Variants in GRIK2 observed in about 807,000 individuals in gnomAD.
GRIK2 encodes the protein glutamate ionotropic receptor kainate type subunit 2.
Under a neutral mutation model 100.3 loss-of-function variants are expected in GRIK2, and 32 were observed. The ratio of observed to expected loss-of-function variants is 0.32; its 90% CI spans 0.24 to 0.43. GRIK2 has a LOEUF of 0.43. Among genes scored for constraint, GRIK2 ranks in the 20% least tolerant of loss-of-function variants. GRIK2 has a pLI of 1.00. For missense variants in GRIK2, 843 were observed against 1,114.9 expected (o/e 0.76, Z 3.47); for synonymous variants, 417 against 389.4 (o/e 1.07, Z -0.83).
At chr6:101,497,250 T>G (rs1230022261) in intron 2 of GRIK2, among the ~76,000 whole-genome samples, 1 of 152,214 alleles carries the variant, frequency 6.6e-6, no homozygotes, top group Non-Finnish European at 1.5e-5. Flanking sequence ...GTACTCACCC[T>G]TCCATTTGCT....
chr6:101,459,717 G>A (rs1771196970), intron 2 of GRIK2, among the ~76,000 whole-genome samples: 1 of 151,708 alleles, frequency 6.6e-6, no homozygotes, highest in Admixed American at 6.6e-5. Context: ...ACTCTAGAGT[G>A]TCCTCATGCA....
intron 14 of GRIK2, among the ~76,000 whole-genome samples, chr6:101,996,884 T>G (rs971351617): frequency 6.6e-6 from 1 of 152,140 alleles, no homozygotes; most frequent in Non-Finnish European, 1.5e-5. Context: ...AATTTCTCGA[T>G]TTTTCAGATA....
chr6:101,987,544 GATTA>G (rs1188314232), intron 14 of GRIK2, among the ~76,000 whole-genome samples: 1 of 150,854 alleles, frequency 6.6e-6, no homozygotes, highest in African/African-American at 2.4e-5. Flanking sequence ...AAACATATAG[GATTA>G]ATTAAATATA....
intron 4 of GRIK2, among the ~76,000 whole-genome samples, chr6:101,676,161 A>G (rs1340311206): frequency 6.6e-6 from 1 of 152,204 alleles, no homozygotes; most frequent in Non-Finnish European, 1.5e-5. Context: ...GTAAACGCAC[A>G]GAACGTGTTA....
At position 101,773,116 on chromosome 6, in the gene GRIK2, C is replaced by A. The variant is rs189303921; in HGVS notation, c.952-26532C>A. Among the ~76,000 whole-genome samples, 444 of 152,196 alleles carry A rather than the reference C, an allele frequency of 2.9e-3. 7 individuals are homozygous for A. The highest frequency in any genetic ancestry group is 2.0e-3 in the Non-Finnish European group (139 of 68,008). ...TAAGAATGAGCAAGCAGAGGCATTT[C>A]CTCATGGCAATAAAACAATAATTAG... On this transcript the variant is annotated intron_variant, in intron 7 of 16. Transcript: ENST00000369134.
chr6:101,413,105 C>G (rs1003744355), intron 2 of GRIK2, among the ~76,000 whole-genome samples: 3 of 151,966 alleles, frequency 2.0e-5, no homozygotes, highest in Non-Finnish European at 4.4e-5. Flanking sequence ...TGTGAGTAAA[C>G]TGTGGAGAGA....
chr6:101,716,136 T>C (rs1157215118), intron 7 of GRIK2, among the ~76,000 whole-genome samples: 1 of 151,788 alleles, frequency 6.6e-6, no homozygotes, highest in Admixed American at 6.6e-5. Flanking sequence ...TAAAATACTG[T>C]GGAAATTAGT....
At chr6:102,003,771 T>A (rs1795066227) in intron 14 of GRIK2, among the ~76,000 whole-genome samples, 1 of 151,714 alleles carries the variant, frequency 6.6e-6, no homozygotes, top group Non-Finnish European at 1.5e-5. Context: ...TGAAAACCAA[T>A]AAGTATCTAA....
intron 2 of GRIK2, among the ~76,000 whole-genome samples, chr6:101,574,393 A>C (rs1018472949): frequency 1.3e-5 from 2 of 148,608 alleles, no homozygotes; most frequent in Non-Finnish European, 3.0e-5. Context: ...GTATATATAC[A>C]CTTTAGCAGC....
intron 2 of GRIK2, among the ~76,000 whole-genome samples, chr6:101,563,904 A>C (rs149730803): frequency 6.6e-6 from 1 of 152,156 alleles, no homozygotes; most frequent in Non-Finnish European, 1.5e-5. Flanking sequence ...ATAAGCTTTA[A>C]TACTTTAAAA....
intron 10 of GRIK2, among the ~76,000 whole-genome samples, chr6:101,853,556 T>C (rs1385200005): frequency 5.9e-5 from 9 of 152,156 alleles, no homozygotes. Context: ...AGCATACTCT[T>C]ACCATATGAT....
chr6:102,061,005 CTGAG>C (rs1241247491), intron 16 of GRIK2, among the ~76,000 whole-genome samples: 1 of 150,192 alleles, frequency 6.7e-6, no homozygotes, highest in African/African-American at 2.4e-5. Flanking sequence ...TCTTTGAGAG[CTGAG>C]TGTCTTTCAA....
intron 2 of GRIK2, among the ~76,000 whole-genome samples, chr6:101,441,028 A>T (rs1562139844): frequency 6.8e-6 from 1 of 147,072 alleles, no homozygotes; most frequent in African/African-American, 2.5e-5. Context: ...CTCAGGACAG[A>T]TTGCAGTGTT....
At chr6:101,837,662 G>A (rs978190349) in intron 10 of GRIK2, among the ~76,000 whole-genome samples, 24 of 152,136 alleles carry the variant, frequency 1.6e-4, no homozygotes, top group African/African-American at 5.8e-4. Context: ...CGAATCTAGA[G>A]CCACTTCAAT....
intron 14 of GRIK2, among the ~76,000 whole-genome samples, chr6:101,985,697 A>C (rs974109351): frequency 1.3e-5 from 2 of 151,844 alleles, no homozygotes; most frequent in Admixed American, 1.3e-4. Context: ...GTGAAGGTAT[A>C]ATCCAGAATA....
intron 7 of GRIK2, among the ~76,000 whole-genome samples, chr6:101,770,158 A>G (rs1381924543): frequency 6.6e-6 from 1 of 152,164 alleles, no homozygotes; most frequent in African/African-American, 2.4e-5. Context: ...TCACAAGTCT[A>G]TCGTTACTGC....
chr6:101,447,933 A>G (rs1185085581), intron 2 of GRIK2, among the ~76,000 whole-genome samples: 2 of 151,644 alleles, frequency 1.3e-5, no homozygotes, highest in Non-Finnish European at 3.0e-5. Flanking sequence ...TCCCAATTAC[A>G]AATGTACTTC....
chr6:101,603,108 T>C (rs1779298164), intron 2 of GRIK2, among the ~76,000 whole-genome samples: 1 of 151,662 alleles, frequency 6.6e-6, no homozygotes, highest in Admixed American at 6.6e-5. Flanking sequence ...GTCAAATCAA[T>C]GACAAAATCC....
At chr6:101,914,077 A>G (rs561989139) in intron 12 of GRIK2, among the ~76,000 whole-genome samples, 20 of 151,624 alleles carry the variant, frequency 1.3e-4, no homozygotes, top group Admixed American at 4.0e-4. Context: ...TTTGGAGGTA[A>G]TTAGAGCCCA....
Sources: gnomAD v4.1 joint callset for allele counts (sites outside exome capture counted in the v4.1 genomes callset) on GRCh38, gnomAD v4.1.1 for gene constraint, MANE v1.5 for transcripts, NCBI Gene and HGNC (gene_info 2026-07-23, HGNC 2026-07-21) for gene names.